Variants in USP1 observed in about 807,000 individuals in gnomAD.
The protein encoded by USP1 is ubiquitin carboxyl-terminal hydrolase 1.
In USP1, 18 loss-of-function variants were observed where a neutral mutation model predicts 72.2. The observed-to-expected ratio is 0.25, with a 90% CI of 0.17 to 0.37. The LOEUF (loss-of-function observed/expected upper bound fraction) is 0.37. USP1 is among the 10% of genes least tolerant of loss of function. The pLI is 1.00. For missense variants in USP1, 759 were observed against 884.9 expected, an observed-to-expected ratio of 0.86 and a Z score of 1.81; for synonymous variants, 354 against 303.7, an observed-to-expected ratio of 1.17 and a Z score of -1.72.
In USP1 at chr1:62,444,721, G is replaced by C. The variant is rs1645157805; in HGVS notation, c.558-17G>C. 1.3e-6 allele frequency: 2 copies of C among 1,506,266 alleles called. No homozygotes were observed. Among genetic ancestry groups the C allele is most frequent in the South Asian group, 1.5e-5 (1 of 68,938 alleles). 93.3% of individuals were successfully genotyped at this position (1,506,266 alleles called of 1,614,324 possible). On this transcript the variant is annotated splice_polypyrimidine_tract_variant and intron_variant, in intron 5 of 8. Coordinates refer to ENST00000339950, the MANE Select transcript of USP1 (RefSeq NM_003368.5). ...CTTCAAAACTAGAATAGATGAAATG[G>C]AAATTTTTATTTATAGGGAACTCAA...
chr1:62,438,636 A>C (rs138937543), intron 1 of USP1, among the ~76,000 whole-genome samples: 1 of 152,312 alleles, frequency 6.6e-6, no homozygotes, highest in African/African-American at 2.4e-5. Context: ...CTAGTCAGAT[A>C]ATTTTTCCTC....
intron 6 of USP1, among the ~76,000 whole-genome samples, chr1:62,446,975 C>T (rs1268407080): frequency 6.6e-6 from 1 of 151,946 alleles, no homozygotes; most frequent in Non-Finnish European, 1.5e-5. Context: ...CCACCACACC[C>T]GGCTAATTTT....
At chr1:62,440,363 T>TTATATATA (rs150171344) in intron 2 of USP1, among the ~76,000 whole-genome samples, 14 of 148,766 alleles carry the variant, frequency 9.4e-5, no homozygotes, top group Non-Finnish European at 2.1e-4. Flanking sequence ...GTAAAAGGTT[T>TTATATATA]TATATATATA....
rs583609 is a variant in USP1 at position 62,451,125 on chromosome 1, T to C, written c.*144T>C. On this transcript the variant is annotated 3_prime_UTR_variant, in exon 9 of 9. Transcript: ENST00000339950. ...TAGGTTTTTATATAAATAGTGAAATTTGAATTACTGAAAACCATGTTAATT... is the reference window on the plus strand; with the variant it reads ...TAGGTTTTTATATAAATAGTGAAATCTGAATTACTGAAAACCATGTTAATT... 305,712 of 847,378 alleles carry C rather than the reference T, an allele frequency of 0.36. 59,052 individuals are homozygous for C. Among genetic ancestry groups the C allele is most frequent in the African/African-American group, 0.65 (36,934 of 56,690 alleles). The allele number at this position is 847,378 out of a possible 1,614,324, so 52.5% of individuals were successfully genotyped here.
At chr1:62,443,797 G>T (rs541012491) in intron 5 of USP1, among the ~76,000 whole-genome samples, 3 of 152,258 alleles carry the variant, frequency 2.0e-5, no homozygotes, top group Admixed American at 1.3e-4. Context: ...GATTAGAGGA[G>T]AACTGTTGGC....
intron 2 of USP1, among the ~76,000 whole-genome samples, chr1:62,441,229 G>A (rs1351282006): frequency 1.8e-4 from 27 of 151,990 alleles, no homozygotes; most frequent in Admixed American, 1.8e-3. Flanking sequence ...TTTCTACTCT[G>A]TAAAATAGGA....
At position 62,450,499 on chromosome 1, in the gene USP1, C is replaced by T. The variant is rs1405583406; in HGVS notation, c.1876C>T (p.Pro626Ser). ...AATGTGTGAAATAGGTAAGCCAGAA[C>T]CATTGAATGAGGAGGAAGCAAGGGG... ...DQMCEIGKPEPLNEEEARGVV... is the reference protein window; with the variant it reads ...DQMCEIGKPESLNEEEARGVV... The change falls in exon 9 of 9, where the codon CCA (proline) becomes TCA (serine). Residue 626 changes from proline to serine, a missense_variant. Pro to Ser is a moderately conservative substitution (Grantham distance 74, BLOSUM62 -1). Transcript: ENST00000339950. 2.5e-6 allele frequency: 4 copies of T among 1,613,850 alleles called. No individual in the cohort carries two copies. In the African/African-American group the frequency reaches 5.3e-5, roughly 22 times the overall value.
chr1:62,446,333 G>A (rs1043063871), intron 6 of USP1, among the ~76,000 whole-genome samples: 3 of 151,168 alleles, frequency 2.0e-5, no homozygotes, highest in Admixed American at 6.6e-5. Context: ...ACTAATGATA[G>A]CTGATGAGCC....
chr1:62,448,033 G>GC (rs967188620), intron 7 of USP1, among the ~76,000 whole-genome samples: 2 of 152,090 alleles, frequency 1.3e-5, no homozygotes, highest in African/African-American at 4.8e-5. Context: ...TGATCCGCCC[G>GC]CCTTGGCCTC....
At chr1:62,439,536 T>C (rs1481319962) in intron 1 of USP1, among the ~76,000 whole-genome samples, 1 of 152,220 alleles carries the variant, frequency 6.6e-6, no homozygotes, top group Non-Finnish European at 1.5e-5. Flanking sequence ...GTCTACTAAA[T>C]AGGATATTTT....
chr1:62,437,301 C>G lies in USP1; in HGVS notation c.-169C>G, dbSNP rs951955928. 1.3e-5 allele frequency: 5 copies of G among 396,824 alleles called. No individual in the cohort carries two copies. The highest frequency in any genetic ancestry group is 8.2e-5 in the African/African-American group (4 of 48,604). The allele number at this position is 396,824 out of a possible 1,614,324, so 24.6% of individuals were successfully genotyped here. ...ACCAGATTTTCCTGGGGCCGGGGAC[C>G]CGGCGGGCTCGGGGCAGGGACTCAC... On this transcript the variant is annotated 5_prime_UTR_variant, in exon 1 of 9. Transcript: ENST00000339950.
Position 62,450,342 on chromosome 1 carries a change from C to G in USP1, c.1719C>G (p.Asn573Lys), listed in dbSNP as rs780706884. ...AAGAATGGAGCACAAAGCCAACTAACGACAGCTATGGATTATTTGCGGTTG... is the reference window on the plus strand; with the variant it reads ...AAGAATGGAGCACAAAGCCAACTAAGGACAGCTATGGATTATTTGCGGTTG... ...SLEEWSTKPT[N>K]DSYGLFAVVM... Residue 573 changes from asparagine (N) to lysine (K), a missense_variant, in exon 9 of 9, where the codon AAC (asparagine) becomes AAG (lysine). Physicochemically the swap from Asn to Lys is moderately conservative, Grantham distance 94. Transcript: ENST00000339950. 7.4e-6 allele frequency: 12 copies of G among 1,613,964 alleles called. No homozygotes were observed. The highest frequency in any genetic ancestry group is 1.3e-5 in the African/African-American group (1 of 74,882).
Position 62,445,425 on chromosome 1 carries a change from C to A in USP1, c.1245C>A (p.Asn415Lys). The A allele has an allele frequency of 6.5e-7, 1 of 1,549,366 alleles. No homozygotes were observed. Among genetic ancestry groups the A allele is most frequent in the Non-Finnish European group, 8.7e-7 (1 of 1,153,402 alleles). Residue 415 changes from asparagine to lysine, a missense_variant, in exon 6 of 9, where the codon AAC becomes AAA. Transcript: ENST00000339950. ...PVNVNEVKPINKGEEQIGFEL... is the reference protein window; with the variant it reads ...PVNVNEVKPIKKGEEQIGFEL... ...ATGTTAATGAAGTTAAACCCATAAA[C>A]AAAGGTTAGTATAATTCTTAGACTT...
chr1:62,450,057 A>AT (rs534097124), intron 8 of USP1, among the ~76,000 whole-genome samples, 189 bp from the exon 9 acceptor site: 1 of 152,052 alleles, frequency 6.6e-6, no homozygotes, highest in Non-Finnish European at 1.5e-5. Flanking sequence ...GCAGTTATTT[A>AT]TTTTTTTGTT....
At chr1:62,443,043 A>G (rs1235652544) in intron 4 of USP1, 116 bp from the exon 5 acceptor site, 1 of 1,093,574 alleles carries the variant, frequency 9.1e-7, no homozygotes, top group Admixed American at 2.6e-5. Flanking sequence ...ATCCCTTAAA[A>G]TTAGTGCTAT....
rs1253301806 is a variant in USP1, at chr1:62,451,362, G to GT, written c.*386dup. 6.3e-6 allele frequency: 1 copy of GT among 158,022 alleles called. No individual in the cohort carries two copies. Among genetic ancestry groups the GT allele is most frequent in the East Asian group, 1.9e-4 (1 of 5,318 alleles). The allele number at this position is 158,022 out of a possible 1,614,324, so 9.8% of individuals were successfully genotyped here. A position where few individuals can be genotyped will look rare whatever the true frequency, so the allele number is the denominator to read the frequency against. On this transcript the variant is annotated 3_prime_UTR_variant, in exon 9 of 9. Coordinates refer to ENST00000339950, the MANE Select transcript of USP1 (RefSeq NM_003368.5). Reference sequence around the variant, plus strand: ...CTACATGATGTTTATAGTTCCTGTGGTTTTTCACCCAAGAAGCAGAATCTC... The same window carrying GT: ...CTACATGATGTTTATAGTTCCTGTGGTTTTTTCACCCAAGAAGCAGAATCTC...
chr1:62,450,997 C>CT lies in USP1; in HGVS notation c.*18dup. On this transcript the variant is annotated 3_prime_UTR_variant, in exon 9 of 9. Transcript: ENST00000339950. ...GAAATTATAGAGTGAGTGTATTTTCCTTGTGTATATATTAAACACACCCAT... is the reference window on the plus strand; with the variant it reads ...GAAATTATAGAGTGAGTGTATTTTCCTTTGTGTATATATTAAACACACCCAT... The CT allele has an allele frequency of 6.4e-7, 1 of 1,555,760 alleles. No individual in the cohort carries two copies. Among genetic ancestry groups the CT allele is most frequent in the Non-Finnish European group, 8.6e-7 (1 of 1,159,810 alleles).
chr1:62,444,679 G>C (rs1449360710), intron 5 of USP1, 59 bp from the exon 6 acceptor site: 11 of 1,261,560 alleles, frequency 8.7e-6, no homozygotes, highest in Non-Finnish European at 1.2e-5. Flanking sequence ...TTTCTATATA[G>C]GCTTTATGTA....
At chr1:62,443,119 G>A in intron 4 of USP1, 40 bp from the exon 5 acceptor site, 1 of 1,584,526 alleles carries the variant, frequency 6.3e-7, no homozygotes, top group East Asian at 2.3e-5. Context: ...TACTTAATTT[G>A]TTCATAAAAT....
Sources: allele counts gnomAD v4.1 joint callset (sites outside exome capture counted in the v4.1 genomes callset), GRCh38; gene constraint gnomAD v4.1.1; transcripts MANE v1.5; gene names NCBI Gene and HGNC (gene_info 2026-07-23, HGNC 2026-07-21).